The following IFI27L1 variants were observed in gnomAD, a reference collection of about 807,000 sequenced individuals.
The protein encoded by IFI27L1 is interferon alpha-inducible protein 27-like protein 1.
A neutral mutation model predicts 9.2 loss-of-function variants in IFI27L1; 3 were observed. That is an observed-to-expected ratio of 0.32 (90% CI 0.15 to 0.84). The LOEUF is 0.84. IFI27L1 is among the 40% of genes least tolerant of loss of function. The pLI is 0.56. For missense variants in IFI27L1, 133 were observed against 134.2 expected, an observed-to-expected ratio of 0.99 and a Z score of 0.05; for synonymous variants, 53 against 50.0, an observed-to-expected ratio of 1.06 and a Z score of -0.26.
chr14:94,087,478 G>A (rs1323252209), intron 1 of IFI27L1, among the ~76,000 whole-genome samples: 1 of 152,188 alleles, frequency 6.6e-6, no homozygotes, highest in Non-Finnish European at 1.5e-5. Flanking sequence ...GCAGGCTGGA[G>A]TGCAGTGGCG....
At chr14:94,102,142 C>T (rs1408062090) in intron 4 of IFI27L1, 167 bp downstream of exon 4, 8 of 700,628 alleles carry the variant, frequency 1.1e-5, no homozygotes, top group Non-Finnish European at 1.7e-5. Context: ...AGGGGTGCAG[C>T]CTAAGAGATC....
At chr14:94,084,403 G>A (rs1345827578) in intron 1 of IFI27L1, among the ~76,000 whole-genome samples, 1 of 152,228 alleles carries the variant, frequency 6.6e-6, no homozygotes, top group Non-Finnish European at 1.5e-5. Context: ...TTAGGGGGCT[G>A]AAGTGGGAGG....
intron 2 of IFI27L1, among the ~76,000 whole-genome samples, chr14:94,099,106 G>C (rs1886789297): frequency 6.6e-6 from 1 of 152,244 alleles, no homozygotes; most frequent in African/African-American, 2.4e-5. Context: ...ATCCCAGAGA[G>C]AGGGAGACTT....
intron 1 of IFI27L1, among the ~76,000 whole-genome samples, chr14:94,084,923 G>C (rs984216524): frequency 1.3e-5 from 2 of 152,090 alleles, no homozygotes; most frequent in African/African-American, 4.8e-5. Flanking sequence ...TGCTTACACA[G>C]TTTTTAATTT....
chr14:94,085,438 A>G (rs998234854), intron 1 of IFI27L1, among the ~76,000 whole-genome samples: 1 of 152,208 alleles, frequency 6.6e-6, no homozygotes, highest in Non-Finnish European at 1.5e-5. Context: ...TGGTGAGCTC[A>G]ATTGACCTTA....
At chr14:94,083,954 G>A (rs1950344) in intron 1 of IFI27L1, among the ~76,000 whole-genome samples, 1 of 151,778 alleles carries the variant, frequency 6.6e-6, no homozygotes, top group African/African-American at 2.4e-5. Flanking sequence ...AGGAAAGAAA[G>A]AGAGTCAATT....
At chr14:94,092,143 AAAAG>A (rs1326045307) in intron 1 of IFI27L1, among the ~76,000 whole-genome samples, 2 of 151,648 alleles carry the variant, frequency 1.3e-5, no homozygotes, top group East Asian at 1.9e-4. Flanking sequence ...TAAAAAAAAA[AAAAG>A]AAAGAAAATC....
chr14:94,101,248 T>G, intron 3 of IFI27L1: 1 of 244,886 alleles, frequency 4.1e-6, no homozygotes. Flanking sequence ...TCATAATGTT[T>G]CTCTGTCACC....
chr14:94,096,813 A>G, intron 1 of IFI27L1, 74 bp from the exon 2 acceptor site: 1 of 761,610 alleles, frequency 1.3e-6, no homozygotes. Flanking sequence ...TAGTCCCAGG[A>G]GGGATGCAGA....
intron 1 of IFI27L1, among the ~76,000 whole-genome samples, chr14:94,093,511 A>T (rs1232208369): frequency 6.6e-6 from 1 of 152,090 alleles, no homozygotes. Context: ...TATGGAGAAC[A>T]TCCCTCCATC....
chr14:94,089,581 C>T (rs1886400657), intron 1 of IFI27L1, among the ~76,000 whole-genome samples: 1 of 152,146 alleles, frequency 6.6e-6, no homozygotes. Flanking sequence ...TCAGCATGGT[C>T]TTTGTGAACT....
chr14:94,082,178 G>T (rs142686141), intron 1 of IFI27L1, among the ~76,000 whole-genome samples: 4 of 152,180 alleles, frequency 2.6e-5, no homozygotes, highest in Admixed American at 6.5e-5. Context: ...TAGTGGTTTG[G>T]ATAGAAAATA....
intron 1 of IFI27L1, among the ~76,000 whole-genome samples, chr14:94,089,897 G>A (rs141754828): frequency 1.1e-3 from 165 of 152,230 alleles, no homozygotes; most frequent in Middle Eastern, 3.4e-3. Flanking sequence ...AGAAAGTGTC[G>A]GTATGGCAAG....
At chr14:94,100,812 C>T (rs756348468) in intron 3 of IFI27L1, 41 bp downstream of exon 3, 30 of 1,606,834 alleles carry the variant, frequency 1.9e-5, no homozygotes, top group Non-Finnish European at 2.5e-5. Flanking sequence ...CCATCCCCCG[C>T]CTCCCCCCAG....
chr14:94,100,244 G>A (rs1257402024), intron 2 of IFI27L1: 1 of 984,212 alleles, frequency 1.0e-6, no homozygotes, highest in Non-Finnish European at 1.2e-6. Flanking sequence ...AGGGAGTGAT[G>A]GGAGGATTGA....
chr14:94,092,475 C>T (rs1181634786), intron 1 of IFI27L1, among the ~76,000 whole-genome samples: 2 of 152,144 alleles, frequency 1.3e-5, no homozygotes, highest in Non-Finnish European at 2.9e-5. Flanking sequence ...TGCACCACTG[C>T]ACTCCAGTCT....
intron 2 of IFI27L1, chr14:94,097,595 C>G (rs970925602): frequency 1.3e-5 from 9 of 701,578 alleles, no homozygotes; most frequent in Non-Finnish European, 2.3e-5. Flanking sequence ...CTCCTCCAGT[C>G]ATCCCACTGA....
intron 1 of IFI27L1, among the ~76,000 whole-genome samples, chr14:94,087,940 C>G (rs1280142868): frequency 6.6e-6 from 1 of 152,190 alleles, no homozygotes; most frequent in African/African-American, 2.4e-5. Context: ...ACACGCCATA[C>G]CCAGCAGTGA....
chr14:94,101,927 G>C lies in IFI27L1; in HGVS notation c.175G>C (p.Gly59Arg), dbSNP rs758548682. Reference protein sequence around the residue: ...KMMSTAAIANGGGVAAGSLVA... With the variant: ...KMMSTAAIANRGGVAAGSLVA... ...GATGTCTACAGCAGCCATTGCCAAC[G>C]GGGGCGGAGTTGCTGCTGGCAGTCT... The change falls in exon 4 of 5, where the codon GGG becomes CGG. Residue 59 changes from glycine (G) to arginine (R), a missense_variant. By Grantham distance (125) the Gly-to-Arg change is moderately radical (BLOSUM62 -2). Coordinates refer to ENST00000555523, the MANE Select transcript of IFI27L1 (RefSeq NM_206949.3). The C allele has an allele frequency of 5.0e-6, 8 of 1,614,268 alleles. No homozygotes were observed. Among genetic ancestry groups the C allele is most frequent in the Non-Finnish European group, 6.8e-6 (8 of 1,180,046 alleles).
Sources: gnomAD v4.1 joint callset for allele counts (sites outside exome capture counted in the v4.1 genomes callset) on GRCh38, gnomAD v4.1.1 for gene constraint, MANE v1.5 for transcripts, NCBI Gene and HGNC (gene_info 2026-07-23, HGNC 2026-07-21) for gene names.